The following OPCML variants were observed in gnomAD, a reference collection of about 807,000 sequenced individuals.
The protein encoded by OPCML is opioid-binding protein/cell adhesion molecule.
Under a neutral mutation model 37.8 loss-of-function variants are expected in OPCML, and 13 were observed. That is an observed-to-expected ratio of 0.34 (90% CI 0.22 to 0.55). The LOEUF (loss-of-function observed/expected upper bound fraction) is 0.55, where lower values mean the gene tolerates loss of function less well. Ranked by LOEUF, OPCML falls within the 20% of genes least tolerant of loss-of-function variation. The pLI, the probability that OPCML is intolerant of heterozygous loss-of-function variation, is 0.91. For missense variants in OPCML, 341 were observed against 435.6 expected, an observed-to-expected ratio of 0.78 and a Z score of 1.93; for synonymous variants, 176 against 168.8, an observed-to-expected ratio of 1.04 and a Z score of -0.33.
At chr11:133,227,764 C>G (rs1309620648) in intron 1 of OPCML, among the ~76,000 whole-genome samples, 4 of 152,176 alleles carry the variant, frequency 2.6e-5, no homozygotes, top group Admixed American at 2.6e-4. Context: ...AGGAGGCCAC[C>G]TGCCTCCCCA....
intron 3 of OPCML, among the ~76,000 whole-genome samples, chr11:132,628,615 C>T (rs576099794): frequency 2.0e-5 from 3 of 152,246 alleles, no homozygotes; most frequent in Non-Finnish European, 2.9e-5. Context: ...GGGCCACTAT[C>T]GCCTGCCCTG....
chr11:133,019,915 G>A (rs1327206212), intron 1 of OPCML, among the ~76,000 whole-genome samples: 1 of 152,182 alleles, frequency 6.6e-6, no homozygotes, highest in Non-Finnish European at 1.5e-5. Context: ...CACGCACACA[G>A]GCATGCTCCC....
chr11:133,126,580 T>C (rs1166921845), intron 1 of OPCML, among the ~76,000 whole-genome samples: 1 of 152,190 alleles, frequency 6.6e-6, no homozygotes, highest in African/African-American at 2.4e-5. Flanking sequence ...TTCTGTCACT[T>C]TTACTTTAGA....
intron 2 of OPCML, among the ~76,000 whole-genome samples, chr11:132,846,005 G>C (rs986374042): frequency 3.3e-5 from 5 of 152,140 alleles, no homozygotes; most frequent in African/African-American, 1.2e-4. Flanking sequence ...AGAACGCTGA[G>C]AGCAATCCCC....
At chr11:132,933,168 G>A (rs1256696266) in intron 2 of OPCML, among the ~76,000 whole-genome samples, 1 of 152,132 alleles carries the variant, frequency 6.6e-6, no homozygotes. Context: ...TGTGACAGAA[G>A]CAGCTGCATT....
chr11:133,005,767 A>T (rs1676926579), intron 1 of OPCML: 3 of 983,356 alleles, frequency 3.1e-6, no homozygotes, highest in Non-Finnish European at 3.6e-6. Context: ...AAATTGAATC[A>T]CATTATTTTA....
intron 4 of OPCML, among the ~76,000 whole-genome samples, chr11:132,505,734 CAGA>C (rs1160399809): frequency 6.6e-6 from 1 of 151,876 alleles, no homozygotes; most frequent in Non-Finnish European, 1.5e-5. Context: ...TCCCGGGATA[CAGA>C]AGAAAAGACA....
intron 2 of OPCML, among the ~76,000 whole-genome samples, chr11:132,807,797 G>A (rs1939102623): frequency 6.6e-6 from 1 of 152,144 alleles, no homozygotes; most frequent in Non-Finnish European, 1.5e-5. Flanking sequence ...CAATCAAAGG[G>A]ATAGAATTTA....
At chr11:132,761,335 T>A (rs992306937) in intron 2 of OPCML, among the ~76,000 whole-genome samples, 1 of 151,908 alleles carries the variant, frequency 6.6e-6, no homozygotes, top group African/African-American at 2.4e-5. Flanking sequence ...TGTATTTCCT[T>A]AATGTGAATG....
At chr11:132,624,863 AT>A (rs1363355110) in intron 3 of OPCML, among the ~76,000 whole-genome samples, 2 of 152,076 alleles carry the variant, frequency 1.3e-5, no homozygotes, top group African/African-American at 4.8e-5. Flanking sequence ...GGGTTGCTAG[AT>A]TTAGCAAGCA....
intron 1 of OPCML, among the ~76,000 whole-genome samples, chr11:133,329,040 C>G (rs1943552168): frequency 6.6e-6 from 1 of 152,076 alleles, no homozygotes; most frequent in Non-Finnish European, 1.5e-5. Context: ...ACACCAATAA[C>G]AGACAAACAG....
At chr11:132,670,836 C>T (rs918372010) in intron 2 of OPCML, among the ~76,000 whole-genome samples, 2 of 151,856 alleles carry the variant, frequency 1.3e-5, no homozygotes, top group Non-Finnish European at 2.9e-5. Context: ...AGTAATGATA[C>T]CCCTCATGTT....
intron 1 of OPCML, among the ~76,000 whole-genome samples, chr11:133,199,425 G>A (rs476892): frequency 0.66 from 99,854 of 152,008 alleles, 34,535 homozygotes; most frequent in African/African-American, 0.85. Context: ...TCACAGTTCA[G>A]TGCTTCAACA....
intron 1 of OPCML, chr11:133,024,920 T>C (rs1311247894): frequency 2.0e-6 from 2 of 985,306 alleles, no homozygotes; most frequent in Non-Finnish European, 2.4e-6. Context: ...CATACAAATT[T>C]GCATATATTT....
intron 1 of OPCML, among the ~76,000 whole-genome samples, chr11:133,383,909 G>A (rs1341978382): frequency 6.6e-6 from 1 of 152,130 alleles, no homozygotes; most frequent in Non-Finnish European, 1.5e-5. Context: ...ATGCTACAGT[G>A]CAGGGAGATA....
intron 1 of OPCML, among the ~76,000 whole-genome samples, chr11:133,084,788 T>C (rs1948794197): frequency 6.6e-6 from 1 of 152,186 alleles, no homozygotes; most frequent in Admixed American, 6.5e-5. Context: ...ATCATTTCTA[T>C]TTAAAACCTT....
intron 2 of OPCML, among the ~76,000 whole-genome samples, chr11:132,883,165 A>T (rs1943279668): frequency 6.6e-6 from 1 of 152,186 alleles, no homozygotes; most frequent in South Asian, 2.1e-4. Flanking sequence ...CTCATGCAAC[A>T]CGTGAATCTA....
intron 2 of OPCML, among the ~76,000 whole-genome samples, chr11:132,766,171 A>T (rs1946438331): frequency 6.6e-6 from 1 of 152,170 alleles, no homozygotes; most frequent in Non-Finnish European, 1.5e-5. Context: ...ACTAATAACT[A>T]TATAAGGAAT....
chr11:132,465,752 A>T (rs1342106092), intron 4 of OPCML, among the ~76,000 whole-genome samples: 2 of 152,184 alleles, frequency 1.3e-5, no homozygotes, highest in Admixed American at 6.5e-5. Flanking sequence ...TTACAAAGTT[A>T]TTCCCAAACT....
Sources: gnomAD v4.1 joint callset for allele counts (sites outside exome capture counted in the v4.1 genomes callset) on GRCh38, gnomAD v4.1.1 for gene constraint, MANE v1.5 for transcripts, NCBI Gene and HGNC (gene_info 2026-07-23, HGNC 2026-07-21) for gene names.